AZIN2: variants seen among roughly 807,000 people sequenced by gnomAD.
The protein encoded by AZIN2 is antizyme inhibitor 2, also known as ODC antizyme inhibitor-2.
AZIN2 carries 28 observed loss-of-function variants against 47.8 expected under a neutral mutation model. The observed-to-expected ratio is 0.59, with a 90% CI of 0.43 to 0.80. The LOEUF (loss-of-function observed/expected upper bound fraction) is 0.80, where lower values mean the gene tolerates loss of function less well. Ranked by LOEUF, AZIN2 falls within the 30% of genes least tolerant of loss-of-function variation. The pLI, the probability that AZIN2 is intolerant of heterozygous loss-of-function variation, is 0.00. For missense variants in AZIN2, 535 were observed against 582.5 expected (o/e 0.92, Z 0.84); for synonymous variants, 221 against 239.4 (o/e 0.92, Z 0.71).
At chr1:33,129,570 A>G in the AZIN2 span, among the ~76,000 whole-genome samples, 1 of 152,198 alleles carries the variant, frequency 6.6e-6, no homozygotes, top group East Asian at 1.9e-4. The surrounding 1 kb of genome is among the most constrained non-coding windows in gnomAD (Gnocchi z 4.1). Context: ...TCATAAATAT[A>G]TATAGTCTTC....
At chr1:33,092,717 T>C (rs1204209854) in intron 6 of AZIN2, among the ~76,000 whole-genome samples, 1 of 151,290 alleles carries the variant, frequency 6.6e-6, no homozygotes, top group African/African-American at 2.4e-5. Flanking sequence ...TTAGTGTGGC[T>C]GACGCATGCT....
chr1:33,112,959 C>A (rs1644353214), intron 10 of AZIN2, among the ~76,000 whole-genome samples: 1 of 152,098 alleles, frequency 6.6e-6, no homozygotes, highest in Admixed American at 6.6e-5. Context: ...TCTTTTATTT[C>A]TTCCATGAAG....
At chr1:33,090,637 G>A (rs1401841430) in intron 5 of AZIN2, among the ~76,000 whole-genome samples, 1 of 152,172 alleles carries the variant, frequency 6.6e-6, no homozygotes, top group Non-Finnish European at 1.5e-5. Context: ...TTTGATATAT[G>A]TATACGTTGT....
intron 4 of AZIN2, 107 bp downstream of exon 4, chr1:33,082,461 C>A: frequency 1.3e-6 from 1 of 749,272 alleles, no homozygotes. Flanking sequence ...TTATTTGGTA[C>A]GCAATCCTTG....
At chr1:33,137,389 A>C in the AZIN2 span, among the ~76,000 whole-genome samples, 1 of 152,230 alleles carries the variant, frequency 6.6e-6, no homozygotes, top group Non-Finnish European at 1.5e-5. Flanking sequence ...AGGACAGCCC[A>C]TAATAATTAT....
At chr1:33,146,996 G>T in the AZIN2 span, 3 of 637,294 alleles carry the variant, frequency 4.7e-6, no homozygotes, top group East Asian at 5.5e-5. Context: ...ATCGATGCTG[G>T]AAGAGAGTTT....
chr1:33,131,230 C>T, the AZIN2 span, among the ~76,000 whole-genome samples: 2 of 152,256 alleles, frequency 1.3e-5, no homozygotes, highest in Admixed American at 1.3e-4. Context: ...TTCTCCTCTT[C>T]ATCTAGCCAT....
chr1:33,143,781 G>A, the AZIN2 span, among the ~76,000 whole-genome samples: 3 of 152,210 alleles, frequency 2.0e-5, no homozygotes, highest in African/African-American at 4.8e-5. Flanking sequence ...CAGGGGTGCT[G>A]TACTCCCTTG....
chr1:33,161,507 G>A, the AZIN2 span, among the ~76,000 whole-genome samples: 3 of 152,154 alleles, frequency 2.0e-5, no homozygotes, highest in Admixed American at 6.5e-5. This position sits in a 1 kb window ranked among gnomAD's most constrained non-coding sequence, Gnocchi z 4.3. Flanking sequence ...CCTCCCCGAC[G>A]CGCGGCTGCT....
the AZIN2 span, among the ~76,000 whole-genome samples, chr1:33,160,484 A>C: frequency 6.6e-6 from 1 of 152,032 alleles, no homozygotes; most frequent in Admixed American, 6.5e-5. Context: ...GGATCATTGC[A>C]ACCTCCACCT....
the AZIN2 span, among the ~76,000 whole-genome samples, chr1:33,148,106 G>C: frequency 6.6e-6 from 1 of 152,128 alleles, no homozygotes; most frequent in Admixed American, 6.5e-5. Flanking sequence ...TGCCCCCTAG[G>C]GGGAATGGGG....
At chr1:33,100,320 CAAAA>C (rs58751120) in intron 10 of AZIN2, among the ~76,000 whole-genome samples, 1 of 76,116 alleles carries the variant, frequency 1.3e-5, no homozygotes, top group Non-Finnish European at 2.9e-5. Context: ...GACTCTGTCT[CAAAA>C]AAAAAAAAAA....
In AZIN2 at chr1:33,098,164, C is replaced by A; in HGVS notation, c.1014C>A (p.Thr338=). 6.2e-7 allele frequency: 1 copy of A among 1,611,152 alleles called. No individual in the cohort carries two copies. Among genetic ancestry groups the A allele is most frequent in the Non-Finnish European group, 8.5e-7 (1 of 1,178,856 alleles). ...TCCTGTTTGACAACATCTGCCCTACCCCCATCCTGCAGAAGGTGAGCTTAC... is the reference window on the plus strand; with the variant it reads ...TCCTGTTTGACAACATCTGCCCTACACCCATCCTGCAGAAGGTGAGCTTAC... ...NSVLFDNICP[T]PILQKKPSTE... is the part of the protein sequence containing the mutation. The change falls in exon 10 of 12, where the codon ACC becomes ACA. Residue 338 remains threonine (T), a synonymous_variant. Transcript: ENST00000294517.
chr1:33,159,563 T>G, the AZIN2 span: 5 of 1,351,986 alleles, frequency 3.7e-6, no homozygotes, highest in Non-Finnish European at 4.9e-6. This position sits in a 1 kb window ranked among gnomAD's most constrained non-coding sequence, Gnocchi z 4.2. Context: ...GTCCCGTAAA[T>G]GTTTGATGAA....
At position 33,094,419 on chromosome 1, in the gene AZIN2, A is replaced by C. The variant is rs111894284; in HGVS notation, c.588-129A>C. 6.8e-3 allele frequency: 6,776 copies of C among 990,618 alleles called. 303 individuals carry two copies. The African/African-American group carries it at 0.094, about 14-fold the overall frequency. 61.4% of individuals were successfully genotyped at this position (990,618 alleles called of 1,614,324 possible). ...TTGGCAACCCATTGAACATTTCAGG[A>C]CCTTGGTCACTGCATCTGTAAAATG... is the stretch of plus-strand genomic sequence containing the variant. On this transcript the variant is annotated intron_variant, in intron 7 of 11. Transcript: ENST00000294517.
intron 5 of AZIN2, among the ~76,000 whole-genome samples, chr1:33,084,371 T>A (rs1331752459): frequency 1.3e-5 from 2 of 152,238 alleles, no homozygotes; most frequent in Admixed American, 1.3e-4. Context: ...ATCTTTTTAA[T>A]GGAGATTTGC....
At chr1:33,091,908 T>C (rs1470107719) in intron 5 of AZIN2, 142 bp from the exon 6 acceptor site, 3 of 784,636 alleles carry the variant, frequency 3.8e-6, no homozygotes, top group African/African-American at 3.5e-5. Flanking sequence ...CTGATATCTA[T>C]GTATCTGTTG....
chr1:33,101,670 C>T (rs1180230592), intron 10 of AZIN2, among the ~76,000 whole-genome samples: 1 of 152,144 alleles, frequency 6.6e-6, no homozygotes, highest in Non-Finnish European at 1.5e-5. Flanking sequence ...ACTATCTTGA[C>T]TCATGCATTA....
chr1:33,147,745 G>A, the AZIN2 span: 1 of 1,601,274 alleles, frequency 6.2e-7, no homozygotes, highest in Non-Finnish European at 8.5e-7. This position sits in a 1 kb window ranked among gnomAD's most constrained non-coding sequence, Gnocchi z 8.1. Context: ...GGTTGGAGGA[G>A]GGAGAGAAGA....
Sources: gnomAD v4.1 joint callset for allele counts (sites outside exome capture counted in the v4.1 genomes callset) on GRCh38, gnomAD v4.1.1 for gene constraint, Gnocchi (gnomAD v3.1) non-coding constraint, MANE v1.5 for transcripts, NCBI Gene and HGNC (gene_info 2026-07-23, HGNC 2026-07-21) for gene names.